Variants in MCAM observed in about 807,000 individuals in gnomAD.
MCAM encodes the protein melanoma cell adhesion molecule.
A neutral mutation model predicts 79.1 loss-of-function variants in MCAM; 55 were observed. The observed-to-expected ratio is 0.70, with a 90% CI of 0.56 to 0.87. The LOEUF (loss-of-function observed/expected upper bound fraction) is 0.87, where lower values mean the gene tolerates loss of function less well. Among genes scored for constraint, MCAM ranks in the 40% least tolerant of loss-of-function variants. The pLI is 0.00. For missense variants in MCAM, 745 were observed against 839.8 expected, an observed-to-expected ratio of 0.89 and a Z score of 1.40; for synonymous variants, 330 against 339.8, an observed-to-expected ratio of 0.97 and a Z score of 0.32.
Position 119,315,105 on chromosome 11 carries a change from C to T in MCAM, c.192+34G>A. The T allele has an allele frequency of 6.2e-7, 1 of 1,612,730 alleles. No individual in the cohort carries two copies. The highest frequency in any genetic ancestry group is 8.5e-7 in the Non-Finnish European group (1 of 1,179,964). On this transcript the variant is annotated intron_variant, in intron 2 of 15. Transcript: ENST00000264036. This position sits in a 1 kb window ranked among gnomAD's most constrained non-coding sequence, Gnocchi z 4.4. Reference sequence around the variant, plus strand: ...CTACAAGAGGGGCAGAGTCTCCCTCCCCGGGCTGCTCTTGCAGGAGCCCAA... The same window carrying T: ...CTACAAGAGGGGCAGAGTCTCCCTCTCCGGGCTGCTCTTGCAGGAGCCCAA...
chr11:119,310,264 A>G lies in MCAM; in HGVS notation c.1911+85T>C, dbSNP rs573626279. 8.8e-6 allele frequency: 8 copies of G among 913,424 alleles called. No individual in the cohort carries two copies. The South Asian group carries it at 1.1e-4, about 12-fold the overall frequency. The allele number at this position is 913,424 out of a possible 1,614,324, so 56.6% of individuals were successfully genotyped here. A position where few individuals can be genotyped will look rare whatever the true frequency, so the allele number is the denominator to read the frequency against. The stretch of plus-strand genomic sequence containing the variant: ...TGCTCCCTATCTCTGACAAAGAGGG[A>G]TGAAGGATAGAGAGAACCGTTAGTC... On this transcript the variant is annotated intron_variant, in intron 15 of 15. Coordinates refer to ENST00000264036, the MANE Select transcript of MCAM (RefSeq NM_006500.3).
chr11:119,312,663 G>A lies in MCAM; in HGVS notation c.740-15C>T, dbSNP rs377642716. ...TTCTGTCGGGTCTGCATAGGCAAAGGGGGTAGCTCTTGGCCCATGAGTCAA... is the reference window on the plus strand; with the variant it reads ...TTCTGTCGGGTCTGCATAGGCAAAGAGGGTAGCTCTTGGCCCATGAGTCAA... On this transcript the variant is annotated splice_polypyrimidine_tract_variant and intron_variant, in intron 6 of 15. Coordinates refer to ENST00000264036, the MANE Select transcript of MCAM (RefSeq NM_006500.3). This position sits in a 1 kb window ranked among gnomAD's most constrained non-coding sequence, Gnocchi z 4.9. 1.9e-6 allele frequency: 3 copies of A among 1,613,944 alleles called. No individual in the cohort carries two copies. The highest frequency in any genetic ancestry group is 2.2e-5 in the East Asian group (1 of 44,882).
chr11:119,314,604 T>G, intron 4 of MCAM, 28 bp from the exon 5 acceptor site: 1 of 1,612,318 alleles, frequency 6.2e-7, no homozygotes, highest in Non-Finnish European at 8.5e-7. Flanking sequence ...TGAGTCTCCC[T>G]GCCTCCGAGC....
chr11:119,312,600 T>C lies in MCAM; in HGVS notation c.788A>G (p.Lys263Arg), dbSNP rs772456559. ...CCTGATTTCCACGCGGTCCCCTTCC[T>C]TCAGCATTCCCACGGGCTCCACTTC... is the stretch of plus-strand genomic sequence containing the variant. ...WLEVEPVGMLKEGDRVEIRCL... is the reference protein window; with the variant it reads ...WLEVEPVGMLREGDRVEIRCL... Residue 263 changes from lysine (K) to arginine (R), a missense_variant, in exon 7 of 16, where the codon AAG becomes AGG. Transcript: ENST00000264036. This position sits in a 1 kb window ranked among gnomAD's most constrained non-coding sequence, Gnocchi z 4.9. The C allele has an allele frequency of 6.2e-7, 1 of 1,614,156 alleles. No individual in the cohort carries two copies. Among genetic ancestry groups the C allele is most frequent in the South Asian group, 1.1e-5 (1 of 91,088 alleles).
intron 14 of MCAM, 86 bp downstream of exon 14, chr11:119,310,670 T>C: frequency 6.8e-7 from 1 of 1,460,968 alleles, no homozygotes. Flanking sequence ...GCCCCACTCC[T>C]GCTGTCAAGG....
Position 119,314,738 on chromosome 11 carries a change from C to T in MCAM, c.412G>A (p.Glu138Lys). Residue 138 changes from glutamate to lysine, a missense_variant, in exon 4 of 16, where the codon GAG becomes AAG. Transcript: ENST00000264036. The part of the protein sequence containing the change: ...IQLRVYKAPE[E>K]PNIQVNPLGI... Reference sequence around the variant, plus strand: ...AGGGGGTTGACCTGGATGTTTGGCTCCTCCGGAGCTTCTACAAGAAAATAG... The same window carrying T: ...AGGGGGTTGACCTGGATGTTTGGCTTCTCCGGAGCTTCTACAAGAAAATAG... The T allele has an allele frequency of 6.2e-7, 1 of 1,613,828 alleles. No individual in the cohort carries two copies. The highest frequency in any genetic ancestry group is 1.3e-5 in the African/African-American group (1 of 75,040).
chr11:119,313,836 C>T, intron 5 of MCAM: 6 of 535,040 alleles, frequency 1.1e-5, no homozygotes, highest in Non-Finnish European at 1.4e-5. Context: ...AAAATATCTC[C>T]AGACATTGCC....
rs1480152254 is a variant in MCAM at position 119,315,287 on chromosome 11, C to T, written c.68-24G>A. 1 of 1,598,420 alleles carries T rather than the reference C, an allele frequency of 6.3e-7. No homozygotes were observed. Among genetic ancestry groups the T allele is most frequent in the Non-Finnish European group, 8.5e-7 (1 of 1,176,630 alleles). ...ACCTGGGGGAGGGAGGCGGGGCCCCCGCAGCTGTGTCAGCTCCGGCTGCTG... is the reference window on the plus strand; with the variant it reads ...ACCTGGGGGAGGGAGGCGGGGCCCCTGCAGCTGTGTCAGCTCCGGCTGCTG... On this transcript the variant is annotated intron_variant, in intron 1 of 15. Coordinates refer to ENST00000264036, the MANE Select transcript of MCAM (RefSeq NM_006500.3). This position sits in a 1 kb window ranked among gnomAD's most constrained non-coding sequence, Gnocchi z 4.4.
In MCAM at chr11:119,309,686, T is replaced by G; in HGVS notation, c.*200A>C. On this transcript the variant is annotated 3_prime_UTR_variant, in exon 16 of 16. Coordinates refer to ENST00000264036, the MANE Select transcript of MCAM (RefSeq NM_006500.3). ...TCACTCAACGTGGAGGAGATGGTGG[T>G]GGACTGGTCCCTGAAAAGCGGGCCT... The G allele has an allele frequency of 3.3e-6, 2 of 606,486 alleles. No individual in the cohort carries two copies. The highest frequency in any genetic ancestry group is 3.0e-6 in the Non-Finnish European group (1 of 336,008). The allele number at this position is 606,486 out of a possible 1,614,324, so 37.6% of individuals were successfully genotyped here.
At chr11:119,314,162 A>C in intron 5 of MCAM, 1 of 539,730 alleles carries the variant, frequency 1.9e-6, no homozygotes, top group Non-Finnish European at 2.7e-6. Flanking sequence ...CCATAGGGAC[A>C]GCTCTTTTTA....
chr11:119,311,184 G>A lies in MCAM; in HGVS notation c.1551C>T (p.Val517=), dbSNP rs777484711. ...KNTSILFLEL[V]NLTTLTPDSN... ...AGTCTGGTGTGAGGGTGGTTAAATT[G>A]ACTAGGAGGCAGAGGGAGGGGTGTT... is the stretch of plus-strand genomic sequence containing the variant. The change falls in exon 13 of 16, where the codon GTC becomes GTT. Residue 517 remains valine, a splice_region_variant and synonymous_variant. Transcript: ENST00000264036. This position sits in a 1 kb window ranked among gnomAD's most constrained non-coding sequence, Gnocchi z 4.4. 1.9e-6 allele frequency: 3 copies of A among 1,613,994 alleles called. No homozygotes were observed. Among genetic ancestry groups the A allele is most frequent in the Non-Finnish European group, 2.5e-6 (3 of 1,179,880 alleles).
intron 5 of MCAM, chr11:119,313,450 TG>T: frequency 1.5e-6 from 1 of 688,870 alleles, no homozygotes. Context: ...CAGGCTGGAG[TG>T]CAGTGGTACA....
chr11:119,314,268 G>A (rs905527615), intron 5 of MCAM: 6 of 541,220 alleles, frequency 1.1e-5, no homozygotes, highest in Non-Finnish European at 1.6e-5. Context: ...TGATCCTCCT[G>A]CCTCAGCCTC....
In MCAM at chr11:119,316,643, C is replaced by T; in HGVS notation, c.67+392G>A. The T allele has an allele frequency of 5.6e-6, 1 of 178,502 alleles. No individual in the cohort carries two copies. Among genetic ancestry groups the T allele is most frequent in the Non-Finnish European group, 1.2e-5 (1 of 84,848 alleles). The allele number at this position is 178,502 out of a possible 1,614,324, so 11.1% of individuals were successfully genotyped here. On this transcript the variant is annotated intron_variant, in intron 1 of 15. Transcript: ENST00000264036. This position sits in a 1 kb window ranked among gnomAD's most constrained non-coding sequence, Gnocchi z 4.8. ...CTCCAGCGAAGGAAGCTGCCTTTTC[C>T]AGCAACAGGCGGGCGCGGAATTCAG...
Position 119,316,128 on chromosome 11 carries a change from A to G in MCAM, c.68-865T>C, listed in dbSNP as rs1242696385. 6.5e-6 allele frequency: 1 copy of G among 152,756 alleles called. No homozygotes were observed. The highest frequency in any genetic ancestry group is 2.4e-5 in the African/African-American group (1 of 41,462). The allele number at this position is 152,756 out of a possible 1,614,324, so 9.5% of individuals were successfully genotyped here. ...TGGAGCCCGATTTAGCCCTTTCCCC[A>G]GAAATAAAGTCAGCCTGGGAGGCAG... On this transcript the variant is annotated intron_variant, in intron 1 of 15. Coordinates refer to ENST00000264036, the MANE Select transcript of MCAM (RefSeq NM_006500.3). The surrounding 1 kb of genome is among the most constrained non-coding windows in gnomAD (Gnocchi z 4.8).
In MCAM at chr11:119,316,997, C is replaced by T. The variant is rs966469346; in HGVS notation, c.67+38G>A. 45 of 1,510,228 alleles carry T rather than the reference C, an allele frequency of 3.0e-5. No homozygotes were observed. Among genetic ancestry groups the T allele is most frequent in the African/African-American group, 5.7e-5 (4 of 70,788 alleles). The allele number at this position is 1,510,228 out of a possible 1,614,324, so 93.6% of individuals were successfully genotyped here. ...CTCCCTGGCACGCTCCACCGCAGAC[C>T]CCTAGCCGGGGCGCGGCCCCCCTGC... On this transcript the variant is annotated intron_variant, in intron 1 of 15. Transcript: ENST00000264036. The surrounding 1 kb of genome is among the most constrained non-coding windows in gnomAD (Gnocchi z 4.8).
At chr11:119,313,016 C>A in intron 5 of MCAM, 67 bp from the exon 6 acceptor site, 1 of 1,608,122 alleles carries the variant, frequency 6.2e-7, no homozygotes, top group Non-Finnish European at 8.5e-7. Context: ...CTAGGGTTGT[C>A]CACTGGGGTT....
At chr11:119,310,272 TAG>T (rs1053485163) in intron 15 of MCAM, 75 bp downstream of exon 15, 2 of 958,992 alleles carry the variant, frequency 2.1e-6, no homozygotes, top group African/African-American at 1.6e-5. Flanking sequence ...GGATGAAGGA[TAG>T]AGAGAACCGT....
At chr11:119,313,849 G>A (rs1950271101) in intron 5 of MCAM, 1 of 624,328 alleles carries the variant, frequency 1.6e-6, no homozygotes, top group Non-Finnish European at 2.0e-6. Flanking sequence ...ACATTGCCAA[G>A]TATCTCCTAG....
Sources: gnomAD v4.1 joint callset for allele counts on GRCh38, gnomAD v4.1.1 for gene constraint, Gnocchi (gnomAD v3.1) non-coding constraint, MANE v1.5 for transcripts, NCBI Gene and HGNC (gene_info 2026-07-23, HGNC 2026-07-21) for gene names.